MYH3: variants seen among roughly 807,000 people sequenced by gnomAD.
The protein encoded by MYH3 is myosin-3.
MYH3 carries 130 observed loss-of-function variants against 238.0 expected under a neutral mutation model. The observed-to-expected ratio is 0.55, with a 90% CI of 0.47 to 0.63. The LOEUF (loss-of-function observed/expected upper bound fraction) is 0.63, where lower values mean the gene tolerates loss of function less well. Among genes scored for constraint, MYH3 ranks in the 30% least tolerant of loss-of-function variants. The pLI is 0.00. For synonymous variants in MYH3, 880 were observed against 924.1 expected, an observed-to-expected ratio of 0.95 and a Z score of 0.86; for missense variants, 1,853 against 2,374.9, an observed-to-expected ratio of 0.78 and a Z score of 4.57.
At chr17:10,655,841 G>A (rs778349202) in intron 2 of MYH3, among the ~76,000 whole-genome samples, 38 of 152,172 alleles carry the variant, frequency 2.5e-4, no homozygotes, top group Non-Finnish European at 4.3e-4. Context: ...TAGTAGAGAC[G>A]GGGTTTCACC....
intron 12 of MYH3, among the ~76,000 whole-genome samples, chr17:10,645,335 G>T (rs1476859615): frequency 1.3e-5 from 2 of 152,004 alleles, no homozygotes; most frequent in Admixed American, 1.3e-4. Flanking sequence ...GGGAGGCTGA[G>T]GCAGGAGAAT....
chr17:10,669,533 C>T, the MYH3 span, among the ~76,000 whole-genome samples: 1 of 150,032 alleles, frequency 6.7e-6, no homozygotes, highest in Non-Finnish European at 1.5e-5. Flanking sequence ...CGCCATTGCC[C>T]TCCAGTCTGG....
At chr17:10,656,478 A>G (rs1013053142) in intron 1 of MYH3, among the ~76,000 whole-genome samples, 4 of 150,536 alleles carry the variant, frequency 2.7e-5, no homozygotes, top group African/African-American at 9.8e-5. Flanking sequence ...CAGAGGTTGC[A>G]GTGAGCCGAG....
chr17:10,628,794 T>C, intron 40 of MYH3, 115 bp from the exon 41 acceptor site: 4 of 1,165,238 alleles, frequency 3.4e-6, no homozygotes, highest in Non-Finnish European at 3.9e-6. Flanking sequence ...ACACAGGATA[T>C]TTTTTGGACC....
intron 40 of MYH3, 147 bp from the exon 41 acceptor site, chr17:10,628,826 C>T: frequency 1.2e-6 from 1 of 823,984 alleles, no homozygotes; most frequent in Non-Finnish European, 2.1e-6. Context: ...CACGATTGCA[C>T]ACATGAAGTC....
intron 31 of MYH3, 92 bp from the exon 32 acceptor site, chr17:10,634,274 G>T: frequency 6.9e-7 from 1 of 1,453,840 alleles, no homozygotes; most frequent in Non-Finnish European, 9.6e-7. Context: ...GCAGAGTTAG[G>T]GCTACACTTG....
In MYH3 at chr17:10,642,630, C is replaced by G; in HGVS notation, c.1675G>C (p.Gly559Arg). 6.2e-7 allele frequency: 1 copy of G among 1,614,200 alleles called. No homozygotes were observed. Among genetic ancestry groups the G allele is most frequent in the Non-Finnish European group, 8.5e-7 (1 of 1,180,042 alleles). Residue 559 changes from glycine to arginine, a missense_variant, in exon 16 of 41, where the codon GGA becomes CGA. By Grantham distance (125) the Gly-to-Arg change is moderately radical (BLOSUM62 -2). Around this residue, in one of 3 missense-constraint regions of MYH3, gnomAD observed 678 missense variants for 1,058.9 expected, o/e 0.64. Transcript: ENST00000583535. This position sits in a 1 kb window ranked among gnomAD's most constrained non-coding sequence, Gnocchi z 5.4. Reference protein sequence around the residue: ...FKNKLYDQHLGKSNNFQKPKV... With the variant: ...FKNKLYDQHLRKSNNFQKPKV... ...GGCTTCTGGAAGTTGTTGGACTTTC[C>G]AAGATGCTGGTCATACAGCTTGTTC...
At chr17:10,662,387 C>T in the MYH3 span, among the ~76,000 whole-genome samples, 2 of 152,122 alleles carry the variant, frequency 1.3e-5, no homozygotes, top group Non-Finnish European at 2.9e-5. Flanking sequence ...AATGAACACC[C>T]ATATCTAAAT....
intron 40 of MYH3, among the ~76,000 whole-genome samples, chr17:10,629,046 C>T (rs908612600): frequency 2.0e-5 from 3 of 151,986 alleles, no homozygotes; most frequent in African/African-American, 7.3e-5. Flanking sequence ...TGTTGGGATA[C>T]ATGTGCAGAA....
chr17:10,633,480 G>A (rs879885784), intron 33 of MYH3, 111 bp downstream of exon 33: 24 of 1,357,402 alleles, frequency 1.8e-5, no homozygotes, highest in Non-Finnish European at 2.1e-5. Context: ...CAGGCATTAG[G>A]ACTGTGATTT....
intron 4 of MYH3, 174 bp downstream of exon 4, chr17:10,652,246 C>T (rs2074383052): frequency 6.1e-6 from 5 of 813,182 alleles, no homozygotes; most frequent in South Asian, 4.5e-5. Context: ...CTTCTTCCTG[C>T]CCCATCCACC....
At chr17:10,644,165 A>AC (rs1352731262) in intron 14 of MYH3, among the ~76,000 whole-genome samples, 186 bp downstream of exon 14, 2 of 148,380 alleles carry the variant, frequency 1.3e-5, no homozygotes, top group African/African-American at 4.9e-5. Context: ...TCAAAAAAAA[A>AC]AAACAAACAA....
rs1478996807 is a variant in MYH3, at chr17:10,639,652, C to T, written c.2833G>A (p.Glu945Lys). Residue 945 changes from glutamate to lysine, a missense_variant, in exon 23 of 41, where the codon GAG (glutamate) becomes AAG (lysine). This residue lies in a region of MYH3 where 678 missense variants were observed against 1,058.9 expected (regional missense o/e 0.64). Coordinates refer to ENST00000583535, the MANE Select transcript of MYH3 (RefSeq NM_002470.4). ...TTCTTGAGCTCTGAGCATTCATCCTCCAGTTTCCTCTTCTTGGCCGTCAGC... is the reference window on the plus strand; with the variant it reads ...TTCTTGAGCTCTGAGCATTCATCCTTCAGTTTCCTCTTCTTGGCCGTCAGC... ...AELTAKKRKL[E>K]DECSELKKDI... is the part of the protein sequence containing the mutation. 7.4e-6 allele frequency: 12 copies of T among 1,614,116 alleles called. No homozygotes were observed. The highest frequency in any genetic ancestry group is 1.0e-5 in the Non-Finnish European group (12 of 1,180,036).
chr17:10,653,132 G>A (rs975108936), intron 3 of MYH3, among the ~76,000 whole-genome samples: 11 of 152,096 alleles, frequency 7.2e-5, no homozygotes, highest in African/African-American at 9.7e-5. Context: ...GACGGATGTC[G>A]GAAATGAGAA....
chr17:10,646,513 G>GGGCA (rs2046776086), intron 10 of MYH3, among the ~76,000 whole-genome samples: 1 of 152,154 alleles, frequency 6.6e-6, no homozygotes, highest in Non-Finnish European at 1.5e-5. Flanking sequence ...GGCAGACAAG[G>GGGCA]GGCAGTGTGC....
At chr17:10,651,748 T>TG in intron 4 of MYH3, 80 bp from the exon 5 acceptor site, 3 of 876,760 alleles carry the variant, frequency 3.4e-6, no homozygotes, top group African/African-American at 4.4e-5. Context: ...ATTATTATTG[T>TG]TTTTTTTTTT....
At position 10,637,863 on chromosome 17, in the gene MYH3, G is replaced by A; in HGVS notation, c.3802C>T (p.Gln1268Ter). Residue 1268 changes from glutamine (Q) to a stop codon, truncating the protein, a stop_gained, in exon 28 of 41, where the codon CAG (glutamine) becomes TAG (stop). Coordinates refer to ENST00000583535, the MANE Select transcript of MYH3 (RefSeq NM_002470.4). LOFTEE classifies it high-confidence loss of function. ...GTGGTCAGCTCGCTCAGGCTCCTCT[G>A]AATTTCCTCATTCTTGCCCCTGGCC... ...SEARGKNEEI[Q>*]RSLSELTTQK... 1 of 1,614,112 alleles carries A rather than the reference G, an allele frequency of 6.2e-7. No individual in the cohort carries two copies. Among genetic ancestry groups the A allele is most frequent in the Non-Finnish European group, 8.5e-7 (1 of 1,180,028 alleles).
the MYH3 span, chr17:10,674,149 C>G: frequency 6.5e-6 from 1 of 153,858 alleles, no homozygotes; most frequent in African/African-American, 2.4e-5. Context: ...CGTGGTGGCT[C>G]ACATCTGTAA....
chr17:10,663,941 T>C, the MYH3 span, among the ~76,000 whole-genome samples: 1 of 151,658 alleles, frequency 6.6e-6, no homozygotes, highest in African/African-American at 2.4e-5. Flanking sequence ...CGTGCACCTG[T>C]AATCCCAGCT....
Sources: gnomAD v4.1 joint callset for allele counts (sites outside exome capture counted in the v4.1 genomes callset) on GRCh38, gnomAD v4.1.1 for gene constraint, gnomAD v4.1.1 regional missense constraint, Gnocchi (gnomAD v3.1) non-coding constraint, MANE v1.5 for transcripts, NCBI Gene and HGNC (gene_info 2026-07-23, HGNC 2026-07-21) for gene names.